The following GALNTL6 variants were observed in gnomAD, a reference collection of about 807,000 sequenced individuals.
The protein encoded by GALNTL6 is polypeptide N-acetylgalactosaminyltransferase-like 6.
In GALNTL6, 46 loss-of-function variants were observed where a neutral mutation model predicts 73.7. The observed-to-expected ratio is 0.62, with a 90% CI of 0.49 to 0.80. The LOEUF (loss-of-function observed/expected upper bound fraction) is 0.80. Among genes scored for constraint, GALNTL6 ranks in the 30% least tolerant of loss-of-function variants. The pLI is 0.00. For synonymous variants in GALNTL6, 259 were observed against 263.7 expected (o/e 0.98, Z 0.17); for missense variants, 604 against 755.0 (o/e 0.80, Z 2.34).
rs201237473 is a variant in GALNTL6 at position 172,480,763 on chromosome 4, C to T, written c.553+132074C>T. On this transcript the variant is annotated intron_variant, in intron 5 of 12. Transcript: ENST00000506823. The stretch of plus-strand genomic sequence containing the variant: ...AGATGTGGATTAGGCAGGCAACTTG[C>T]TGAGTTGGTTGACTCTATCACATGT... Among the ~76,000 whole-genome samples, 3 of 152,262 alleles carry T rather than the reference C, an allele frequency of 2.0e-5. No individual in the cohort carries two copies. In the East Asian group the frequency reaches 5.8e-4, roughly 29 times the overall value.
rs944496125 is a variant in GALNTL6 at position 172,256,331 on chromosome 4, A to G, written c.247+26567A>G. Among the ~76,000 whole-genome samples the G allele has an allele frequency of 2.6e-5, 4 of 151,442 alleles. No individual in the cohort carries two copies. The Admixed American group carries it at 2.6e-4, about 10-fold the overall frequency. On this transcript the variant is annotated intron_variant, in intron 3 of 12. Coordinates refer to ENST00000506823, the MANE Select transcript of GALNTL6 (RefSeq NM_001034845.3). ...TCCGTCATTGTTCACTTGAAATTCT[A>G]GAATAGCCTCCTGTCTCATTTTAAA...
intron 5 of GALNTL6, among the ~76,000 whole-genome samples, chr4:172,755,237 T>TATAGATAGATAGATAGATAG (rs58940503): frequency 0.03 from 4,426 of 145,614 alleles, 83 homozygotes; most frequent in Non-Finnish European, 0.036. Flanking sequence ...AAATGACAGA[T>TATAGATAGATAGATAGATAG]ATAGATAGAT....
chr4:172,726,755 T>C (rs1735836653), intron 5 of GALNTL6, among the ~76,000 whole-genome samples: 1 of 152,166 alleles, frequency 6.6e-6, no homozygotes, highest in Non-Finnish European at 1.5e-5. Context: ...CAGATAGTGT[T>C]CTAGGAGCTT....
chr4:172,824,463 T>TTA (rs1326388186), intron 7 of GALNTL6, among the ~76,000 whole-genome samples: 7 of 151,706 alleles, frequency 4.6e-5, no homozygotes, highest in Admixed American at 3.9e-4. Flanking sequence ...ATCAGGTTAT[T>TTA]TATATATATT....
intron 5 of GALNTL6, among the ~76,000 whole-genome samples, chr4:172,376,205 A>G (rs373635898): frequency 8.5e-5 from 13 of 152,308 alleles, no homozygotes; most frequent in African/African-American, 2.2e-4. Context: ...AGGAGAAAAT[A>G]GAAAATCACC....
intron 2 of GALNTL6, among the ~76,000 whole-genome samples, chr4:172,183,418 T>A (rs1436708279): frequency 6.6e-6 from 1 of 152,210 alleles, no homozygotes; most frequent in Non-Finnish European, 1.5e-5. Flanking sequence ...AGGTGTTTTC[T>A]GAAATGACAA....
chr4:172,773,093 AAGGGGGTT>A (rs1333215754), intron 5 of GALNTL6, among the ~76,000 whole-genome samples: 2 of 152,204 alleles, frequency 1.3e-5, no homozygotes, highest in African/African-American at 4.8e-5. Context: ...ACTAGTCACA[AAGGGGGTT>A]AGGATGAACT....
intron 2 of GALNTL6, among the ~76,000 whole-genome samples, chr4:171,972,035 G>A (rs1407380730): frequency 1.3e-5 from 2 of 152,124 alleles, no homozygotes; most frequent in Admixed American, 6.6e-5. Flanking sequence ...TGAATCCACT[G>A]TGGTGCAATA....
intron 5 of GALNTL6, among the ~76,000 whole-genome samples, chr4:172,610,039 T>C (rs1405233957): frequency 6.6e-6 from 1 of 152,094 alleles, no homozygotes; most frequent in Non-Finnish European, 1.5e-5. Flanking sequence ...TCAGTGGTAA[T>C]GTCCCCTTCG....
At chr4:172,175,202 A>G (rs1734952953) in intron 2 of GALNTL6, among the ~76,000 whole-genome samples, 1 of 151,584 alleles carries the variant, frequency 6.6e-6, no homozygotes, top group Non-Finnish European at 1.5e-5. Flanking sequence ...TCAGCCTCCC[A>G]AGTAGCTGAG....
chr4:172,829,089 C>A (rs780262550), intron 7 of GALNTL6, among the ~76,000 whole-genome samples: 1 of 152,176 alleles, frequency 6.6e-6, no homozygotes, highest in Non-Finnish European at 1.5e-5. Context: ...CCTTCACATC[C>A]TCTCCCTTCT....
rs181584140 is a variant in GALNTL6 at position 172,956,159 on chromosome 4, C to T, written c.1371+3901C>T. 1.4e-4 allele frequency among the ~76,000 whole-genome samples: 22 copies of T among 152,070 alleles called. 1 individual carries two copies. The East Asian group carries it at 3.3e-3, about 23-fold the overall frequency. On this transcript the variant is annotated intron_variant, in intron 10 of 12. Coordinates refer to ENST00000506823, the MANE Select transcript of GALNTL6 (RefSeq NM_001034845.3). ...TGGGGGGTGGTATGGAGAGATAATG[C>T]GCGATGTTTCTCAGGGCTGCTTCGA...
chr4:172,930,994 A>G (rs1327828063), intron 8 of GALNTL6, among the ~76,000 whole-genome samples, 167 bp from the exon 9 acceptor site: 1 of 152,150 alleles, frequency 6.6e-6, no homozygotes, highest in Non-Finnish European at 1.5e-5. Flanking sequence ...TTATGAATCT[A>G]GGTTTTAAAA....
chr4:172,941,779 G>A (rs1026435927), intron 9 of GALNTL6, among the ~76,000 whole-genome samples: 2 of 152,166 alleles, frequency 1.3e-5, no homozygotes, highest in African/African-American at 4.8e-5. Flanking sequence ...TGCAACTCTT[G>A]CAAAGACGAG....
intron 5 of GALNTL6, among the ~76,000 whole-genome samples, chr4:172,744,336 C>A (rs1736973846): frequency 6.6e-6 from 1 of 152,060 alleles, no homozygotes; most frequent in African/African-American, 2.4e-5. Context: ...GCTATCATAA[C>A]ACATGGCTAC....
In GALNTL6 at chr4:173,009,282, G is replaced by T. The variant is rs1239343286; in HGVS notation, c.1476G>T (p.Trp492Cys). The change falls in exon 11 of 13, where the codon TGG (tryptophan) becomes TGT (cysteine). Residue 492 changes from tryptophan (W) to cysteine (C), a missense_variant. Trp to Cys is a radical substitution (Grantham distance 215, BLOSUM62 -2). This residue lies in a region of GALNTL6 where 261 missense variants were observed against 296.5 expected (regional missense o/e 0.88). Coordinates refer to ENST00000506823, the MANE Select transcript of GALNTL6 (RefSeq NM_001034845.3). ...TCAAGGATGGTTCTGAAAGAACATG[G>T]TCTCATGAACAGGTGAGTCACCTCC... is the stretch of plus-strand genomic sequence containing the variant. ...ICVKDGSERT[W>C]SHEQLFTFGW... 11 of 1,610,874 alleles carry T rather than the reference G, an allele frequency of 6.8e-6. No homozygotes were observed. The highest frequency in any genetic ancestry group is 8.5e-6 in the Non-Finnish European group (10 of 1,177,038).
intron 3 of GALNTL6, among the ~76,000 whole-genome samples, chr4:172,236,682 G>GAGGTGT (rs1737254970): frequency 1.3e-5 from 2 of 151,994 alleles, no homozygotes; most frequent in African/African-American, 4.8e-5. Flanking sequence ...CACCTCTGTG[G>GAGGTGT]AATATTTGGT....
intron 8 of GALNTL6, among the ~76,000 whole-genome samples, chr4:172,899,914 G>A (rs539593157): frequency 1.1e-4 from 16 of 152,256 alleles, no homozygotes; most frequent in Non-Finnish European, 1.5e-4. Context: ...ATGAGGACAC[G>A]CAGAAGTCAT....
chr4:172,301,903 C>G (rs1739943390), intron 3 of GALNTL6, among the ~76,000 whole-genome samples: 1 of 152,196 alleles, frequency 6.6e-6, no homozygotes, highest in African/African-American at 2.4e-5. Flanking sequence ...AGCTGTCAGA[C>G]AGGGACATTT....
Sources: gnomAD v4.1 joint callset for allele counts (sites outside exome capture counted in the v4.1 genomes callset) on GRCh38, gnomAD v4.1.1 for gene constraint, gnomAD v4.1.1 regional missense constraint, MANE v1.5 for transcripts, NCBI Gene and HGNC (gene_info 2026-07-23, HGNC 2026-07-21) for gene names.